Variants in FBXL17 observed in about 807,000 individuals in gnomAD.
FBXL17 encodes the protein F-box and leucine rich repeat protein 17.
Under a neutral mutation model 66.2 loss-of-function variants are expected in FBXL17, and 22 were observed. The observed-to-expected ratio is 0.33, with a 90% confidence interval of 0.24 to 0.47. FBXL17 has a LOEUF of 0.47. FBXL17 is among the 20% of genes least tolerant of loss of function. The probability of loss-of-function intolerance (pLI) is 1.00; values close to 1 mark genes in which losing one functional copy is unlikely to be tolerated. For synonymous variants in FBXL17, 474 were observed against 400.5 expected (o/e 1.18, Z -2.19); for missense variants, 878 against 948.2 (o/e 0.93, Z 0.97).
At chr5:108,307,122 G>A (rs1447240147) in intron 4 of FBXL17, among the ~76,000 whole-genome samples, 1 of 151,728 alleles carries the variant, frequency 6.6e-6, no homozygotes, top group Non-Finnish European at 1.5e-5. Context: ...ACCTGTTACT[G>A]GTATTTATGG....
At chr5:108,005,419 C>A (rs962890244) in intron 7 of FBXL17, among the ~76,000 whole-genome samples, 4 of 152,060 alleles carry the variant, frequency 2.6e-5, no homozygotes, top group Admixed American at 6.6e-5. Flanking sequence ...GCATGCTGGG[C>A]AGAGGAAATA....
chr5:108,133,610 G>A (rs1031259295), intron 6 of FBXL17, among the ~76,000 whole-genome samples: 1 of 151,972 alleles, frequency 6.6e-6, no homozygotes, highest in Non-Finnish European at 1.5e-5. Flanking sequence ...GCAGAGATCT[G>A]CTGGAAGAGA....
chr5:108,117,488 G>A (rs1750305866), intron 6 of FBXL17, among the ~76,000 whole-genome samples: 1 of 152,012 alleles, frequency 6.6e-6, no homozygotes, highest in Admixed American at 6.6e-5. Context: ...TGAGCTTAAA[G>A]GCTTATGAAA....
chr5:108,178,335 C>G (rs1199877138), intron 6 of FBXL17, among the ~76,000 whole-genome samples: 1 of 152,126 alleles, frequency 6.6e-6, no homozygotes, highest in Non-Finnish European at 1.5e-5. Flanking sequence ...GGTGAGCCAC[C>G]ATGCCTGGCC....
chr5:108,062,294 T>C (rs1349282438), intron 6 of FBXL17, among the ~76,000 whole-genome samples: 3 of 152,086 alleles, frequency 2.0e-5, no homozygotes, highest in African/African-American at 7.2e-5. Flanking sequence ...ATTATTAAAA[T>C]ATAATGTATT....
chr5:107,920,020 T>G (rs1043928984), intron 7 of FBXL17, among the ~76,000 whole-genome samples: 2 of 152,202 alleles, frequency 1.3e-5, no homozygotes, highest in South Asian at 4.1e-4. Context: ...TAAGATCTAG[T>G]TTTATGCCAC....
At chr5:108,119,118 T>C (rs554417393) in intron 6 of FBXL17, among the ~76,000 whole-genome samples, 8 of 152,152 alleles carry the variant, frequency 5.3e-5, no homozygotes, top group Non-Finnish European at 1.0e-4. Context: ...CAAAAGAGGA[T>C]GCCAGTATCT....
chr5:108,185,895 TGA>T (rs1216882635), intron 6 of FBXL17, among the ~76,000 whole-genome samples: 1 of 152,204 alleles, frequency 6.6e-6, no homozygotes, highest in African/African-American at 2.4e-5. Context: ...TTACAATTGT[TGA>T]GGCAAATATT....
intron 4 of FBXL17, among the ~76,000 whole-genome samples, chr5:108,230,477 A>C (rs1755281542): frequency 1.3e-5 from 2 of 152,184 alleles, no homozygotes. Flanking sequence ...GGAATGGAAA[A>C]ACAAACATCA....
intron 5 of FBXL17, among the ~76,000 whole-genome samples, chr5:108,187,803 C>T (rs999557815): frequency 6.6e-6 from 1 of 152,208 alleles, no homozygotes; most frequent in South Asian, 2.1e-4. Context: ...CTGTGTCAGA[C>T]AGGCTTCTAA....
Position 108,102,153 on chromosome 5 carries a change from AAGAG to A in FBXL17, c.1746-81156_1746-81153del, listed in dbSNP as rs756827435. 8.5e-4 allele frequency among the ~76,000 whole-genome samples: 130 copies of A among 152,262 alleles called. 1 individual carries two copies. The highest frequency in any genetic ancestry group is 1.4e-3 in the Non-Finnish European group (95 of 68,022). ...ATGGCAATTAGTGTTTCTGTCTCCA[AAGAG>A]AGAGATTCATGGAGTCTGAATCTGG... On this transcript the variant is annotated intron_variant, in intron 6 of 8. Coordinates refer to ENST00000542267, the MANE Select transcript of FBXL17 (RefSeq NM_001163315.3).
At chr5:108,057,562 A>T (rs759983651) in intron 6 of FBXL17, among the ~76,000 whole-genome samples, 4 of 152,172 alleles carry the variant, frequency 2.6e-5, no homozygotes, top group African/African-American at 4.8e-5. Context: ...ATCTGTACAC[A>T]ATTCAGCTAC....
chr5:108,009,031 A>G (rs1754043484), intron 7 of FBXL17, among the ~76,000 whole-genome samples: 2 of 151,046 alleles, frequency 1.3e-5, no homozygotes, highest in South Asian at 4.2e-4. Context: ...CTAAGAAAGA[A>G]ATAGAGATGA....
In FBXL17 at chr5:108,123,327, C is replaced by T. The variant is rs542365989; in HGVS notation, c.1745+62790G>A. Among the ~76,000 whole-genome samples the T allele has an allele frequency of 8.7e-4, 132 of 152,156 alleles. 3 individuals are homozygous for T. Among genetic ancestry groups the T allele is most frequent in the African/African-American group, 3.0e-3 (124 of 41,512 alleles). On this transcript the variant is annotated intron_variant, in intron 6 of 8. Coordinates refer to ENST00000542267, the MANE Select transcript of FBXL17 (RefSeq NM_001163315.3). ...TCCCACCTTTTCTTTGCCCCCAACA[C>T]AGGCAAAGCTCTTGAAAGCAAGATC...
intron 7 of FBXL17, among the ~76,000 whole-genome samples, chr5:107,912,609 G>T (rs915377913): frequency 6.6e-6 from 1 of 151,964 alleles, no homozygotes; most frequent in Non-Finnish European, 1.5e-5. Context: ...AACAAAATAC[G>T]ATAAATTTTG....
At chr5:108,297,563 C>A in intron 4 of FBXL17, among the ~76,000 whole-genome samples, 1 of 151,548 alleles carries the variant, frequency 6.6e-6, no homozygotes, top group East Asian at 1.9e-4. Context: ...ATCACATTAA[C>A]TGTTTATTCT....
At chr5:108,089,110 A>G (rs1349434044) in intron 6 of FBXL17, among the ~76,000 whole-genome samples, 2 of 152,206 alleles carry the variant, frequency 1.3e-5, no homozygotes, top group African/African-American at 4.8e-5. Flanking sequence ...CACAGCCTCC[A>G]AAAGGTATTC....
intron 8 of FBXL17, among the ~76,000 whole-genome samples, chr5:107,871,069 A>AAAAAAAAAAAAAAC (rs1456052737): frequency 0.027 from 3,435 of 129,040 alleles, 143 homozygotes; most frequent in Non-Finnish European, 0.036. Context: ...AAAAAAAAAA[A>AAAAAAAAAAAAAAC]AAAAAAAAAA....
chr5:108,228,318 A>G (rs889625403), intron 4 of FBXL17, among the ~76,000 whole-genome samples: 1 of 152,144 alleles, frequency 6.6e-6, no homozygotes, highest in Admixed American at 6.6e-5. Context: ...TTGTGGCAGA[A>G]GGTCTGGAAG....
Sources: allele counts gnomAD v4.1 joint callset (sites outside exome capture counted in the v4.1 genomes callset), GRCh38; gene constraint gnomAD v4.1.1; transcripts MANE v1.5; gene names NCBI Gene and HGNC (gene_info 2026-07-23, HGNC 2026-07-21).